KCNJ6: variants seen among roughly 807,000 people sequenced by gnomAD.
KCNJ6 encodes potassium inwardly rectifying channel subfamily J member 6, also known as G protein-activated inward rectifier potassium channel 2.
KCNJ6 carries 9 observed loss-of-function variants against 34.2 expected under a neutral mutation model. The observed-to-expected ratio is 0.26, with a 90% confidence interval of 0.16 to 0.46. The LOEUF is 0.46. KCNJ6 is among the 20% of genes least tolerant of loss of function. The pLI is 1.00. For synonymous variants in KCNJ6, 196 were observed against 207.1 expected, an observed-to-expected ratio of 0.95 and a Z score of 0.46; for missense variants, 236 against 531.3, an observed-to-expected ratio of 0.44 and a Z score of 5.46.
intron 2 of KCNJ6, among the ~76,000 whole-genome samples, chr21:37,752,279 T>G (rs1187365504): frequency 1.3e-5 from 2 of 152,124 alleles, no homozygotes; most frequent in African/African-American, 4.8e-5. Flanking sequence ...CCTGCTACAC[T>G]GATCACAGCT....
chr21:37,826,077 A>G (rs1392365148), intron 2 of KCNJ6, among the ~76,000 whole-genome samples: 1 of 152,094 alleles, frequency 6.6e-6, no homozygotes, highest in Admixed American at 6.6e-5. Flanking sequence ...TTTCTCTCTT[A>G]TTAAGTCTGG....
intron 2 of KCNJ6, among the ~76,000 whole-genome samples, chr21:37,799,412 G>A (rs1024246988): frequency 3.3e-5 from 5 of 152,176 alleles, no homozygotes; most frequent in African/African-American, 1.2e-4. Context: ...TGGGGTCAGG[G>A]AGATCTGTTA....
intron 1 of KCNJ6, among the ~76,000 whole-genome samples, chr21:37,875,314 T>G (rs2055672446): frequency 6.6e-6 from 1 of 152,196 alleles, no homozygotes; most frequent in Non-Finnish European, 1.5e-5. Flanking sequence ...GCCTATTCCC[T>G]CTCTCCCCAG....
chr21:37,838,161 C>T (rs542983282), intron 2 of KCNJ6, among the ~76,000 whole-genome samples: 1 of 152,248 alleles, frequency 6.6e-6, no homozygotes, highest in Admixed American at 6.5e-5. Flanking sequence ...CGGAATTCAA[C>T]TTTGATAGAA....
chr21:37,842,458 T>A (rs2055485848), intron 1 of KCNJ6, among the ~76,000 whole-genome samples: 1 of 152,208 alleles, frequency 6.6e-6, no homozygotes, highest in Non-Finnish European at 1.5e-5. Flanking sequence ...ACAAACAACT[T>A]CGCACATGGC....
rs192743077 is a variant in KCNJ6, at chr21:37,744,342, A to C, written c.26-29211T>G. Among the ~76,000 whole-genome samples, 35 of 152,102 alleles carry C rather than the reference A, an allele frequency of 2.3e-4. 1 individual carries two copies. In the East Asian group the frequency reaches 6.2e-3, roughly 27 times the overall value. ...ATAAAATAAAAAAAATGGATAGTAT[A>C]GGTGTCTATTTTTCCAGATGAGATA... On this transcript the variant is annotated intron_variant, in intron 2 of 3. Transcript: ENST00000609713.
At chr21:37,880,906 G>A (rs1935839200) in intron 1 of KCNJ6, among the ~76,000 whole-genome samples, 1 of 152,188 alleles carries the variant, frequency 6.6e-6, no homozygotes, top group South Asian at 2.1e-4. Context: ...AGAATTCAGA[G>A]AACATGTGGA....
chr21:37,715,082 C>CACT lies in KCNJ6; in HGVS notation c.72_74dup (p.Val25dup), dbSNP rs1176932409. ...TAGGCAACTTTGGCTGGTGAATGGC[C>CACT]ACTGGGCTTTCGACGTCCTGATCCA... On this transcript the variant is annotated inframe_insertion, in exon 3 of 4. Transcript: ENST00000609713. 1.7e-5 allele frequency: 28 copies of CACT among 1,614,162 alleles called. No homozygotes were observed. The highest frequency in any genetic ancestry group is 2.1e-5 in the Non-Finnish European group (25 of 1,180,038).
intron 2 of KCNJ6, among the ~76,000 whole-genome samples, chr21:37,778,446 C>CT (rs1202793200): frequency 1.1e-4 from 16 of 144,816 alleles, no homozygotes; most frequent in East Asian, 7.9e-4. Context: ...TTCTCTTATA[C>CT]TTTTTTTTGT....
chr21:37,645,017 G>GGT (rs2054397344), intron 3 of KCNJ6, among the ~76,000 whole-genome samples: 1 of 130,834 alleles, frequency 7.6e-6, no homozygotes, highest in Admixed American at 7.5e-5. Context: ...AAACAGGTGG[G>GGT]TTTTTTTTTT....
At chr21:37,635,853 T>C (rs540373008) in intron 3 of KCNJ6, among the ~76,000 whole-genome samples, 4 of 152,254 alleles carry the variant, frequency 2.6e-5, no homozygotes, top group Non-Finnish European at 4.4e-5. Flanking sequence ...TTTATAACAA[T>C]ATGTGAGGTA....
intron 1 of KCNJ6, among the ~76,000 whole-genome samples, chr21:37,880,654 GC>G (rs1167594562): frequency 6.6e-6 from 1 of 152,192 alleles, no homozygotes; most frequent in East Asian, 1.9e-4. Context: ...TTCTGTTACC[GC>G]CCTTCAAAGG....
intron 3 of KCNJ6, among the ~76,000 whole-genome samples, chr21:37,629,776 A>G (rs1231504745): frequency 2.6e-5 from 4 of 152,210 alleles, no homozygotes; most frequent in Non-Finnish European, 5.9e-5. Context: ...ACTGACTTCT[A>G]TAGGGAGAGG....
intron 3 of KCNJ6, among the ~76,000 whole-genome samples, chr21:37,682,658 AAG>A (rs2054595873): frequency 6.6e-6 from 1 of 152,154 alleles, no homozygotes; most frequent in Non-Finnish European, 1.5e-5. Context: ...TTATAGGAAA[AAG>A]ACCGTTTTTC....
Position 37,695,267 on chromosome 21 carries a change from C to T in KCNJ6, c.946+18944G>A, listed in dbSNP as rs1308154613. On this transcript the variant is annotated intron_variant, in intron 3 of 3. Transcript: ENST00000609713. This position sits in a 1 kb window ranked among gnomAD's most constrained non-coding sequence, Gnocchi z 4.2. ...GTTACAGAACTTAACAGTGTCCATC[C>T]CATAAAAGGAAATCAATGGCTAAGC... Among the ~76,000 whole-genome samples, 3 of 152,164 alleles carry T rather than the reference C, an allele frequency of 2.0e-5. No homozygotes were observed. The highest frequency in any genetic ancestry group is 7.2e-5 in the African/African-American group (3 of 41,434).
chr21:37,697,240 C>T (rs565611916), intron 3 of KCNJ6, among the ~76,000 whole-genome samples: 1 of 152,250 alleles, frequency 6.6e-6, no homozygotes, highest in East Asian at 1.9e-4. Context: ...ATGGGGTGCT[C>T]CCCTTGCTGG....
At chr21:37,748,922 C>G (rs1300852508) in intron 2 of KCNJ6, among the ~76,000 whole-genome samples, 1 of 152,118 alleles carries the variant, frequency 6.6e-6, no homozygotes, top group Non-Finnish European at 1.5e-5. Flanking sequence ...CCAGAGTGGT[C>G]TTTGCACTGT....
intron 3 of KCNJ6, among the ~76,000 whole-genome samples, chr21:37,630,134 C>CTCTGTGTGTGTGTGTGTGTGTGTGTGTG (rs145670479): frequency 1.4e-5 from 2 of 144,154 alleles, no homozygotes; most frequent in African/African-American, 2.6e-5. Flanking sequence ...GATGACATCT[C>CTCTGTGTGTGTGTGTGTGTGTGTGTGTG]TGTGTGTGTG....
At position 37,618,568 on chromosome 21, in the gene KCNJ6, G is replaced by A. The variant is rs554736265; in HGVS notation, c.*6591C>T. ...GATCGGTGTTAAAACAATGGGCACTGAGCCTTAATCTTGAAATGGGCAATT... is the reference window on the plus strand; with the variant it reads ...GATCGGTGTTAAAACAATGGGCACTAAGCCTTAATCTTGAAATGGGCAATT... On this transcript the variant is annotated 3_prime_UTR_variant, in exon 4 of 4. Transcript: ENST00000609713. 7.2e-5 allele frequency: 11 copies of A among 152,328 alleles called. No homozygotes were observed. The Middle Eastern group carries it at 0.01, about 141-fold the overall frequency. 9.4% of individuals were successfully genotyped at this position (152,328 alleles called of 1,614,324 possible).
Sources: allele counts gnomAD v4.1 joint callset (sites outside exome capture counted in the v4.1 genomes callset), GRCh38; gene constraint gnomAD v4.1.1; non-coding constraint Gnocchi (gnomAD v3.1); transcripts MANE v1.5; gene names NCBI Gene and HGNC (gene_info 2026-07-23, HGNC 2026-07-21).